Variants in SMAP1 observed in about 807,000 individuals in gnomAD.
The protein encoded by SMAP1 is stromal membrane-associated protein 1.
Under a neutral mutation model 58.5 loss-of-function variants are expected in SMAP1, and 24 were observed. The ratio of observed to expected loss-of-function variants is 0.41; its 90% CI spans 0.30 to 0.58. The LOEUF (loss-of-function observed/expected upper bound fraction) is 0.58. Among genes scored for constraint, SMAP1 ranks in the 20% least tolerant of loss-of-function variants. The probability of loss-of-function intolerance (pLI) is 0.29; values close to 1 mark genes in which losing one functional copy is unlikely to be tolerated. For synonymous variants in SMAP1, 216 were observed against 196.6 expected, an observed-to-expected ratio of 1.10 and a Z score of -0.82; for missense variants, 563 against 566.3, an observed-to-expected ratio of 0.99 and a Z score of 0.06.
chr6:70,697,523 G>T (rs1461015922), intron 1 of SMAP1, among the ~76,000 whole-genome samples: 1 of 152,068 alleles, frequency 6.6e-6, no homozygotes, highest in African/African-American at 2.4e-5. Flanking sequence ...GGCCAGGCTG[G>T]TCTTGAACTT....
chr6:70,857,781 G>A (rs1771494973), intron 9 of SMAP1, 141 bp from the exon 10 acceptor site: 1 of 814,630 alleles, frequency 1.2e-6, no homozygotes. Context: ...GTGTGGGTTG[G>A]TCTGAGTAGT....
At chr6:70,822,000 T>C (rs890374044) in intron 6 of SMAP1, among the ~76,000 whole-genome samples, 2 of 152,182 alleles carry the variant, frequency 1.3e-5, no homozygotes, top group African/African-American at 4.8e-5. Context: ...CCAATTACTT[T>C]ATGTGCAGAG....
intron 4 of SMAP1, among the ~76,000 whole-genome samples, chr6:70,778,032 A>G (rs1438168354): frequency 2.0e-5 from 3 of 152,130 alleles, no homozygotes; most frequent in Non-Finnish European, 4.4e-5. Flanking sequence ...GATTACAGGC[A>G]TGAGCCACCA....
intron 1 of SMAP1, among the ~76,000 whole-genome samples, chr6:70,710,362 G>C (rs935133980): frequency 2.6e-5 from 4 of 151,826 alleles, no homozygotes; most frequent in East Asian, 1.9e-4. Context: ...ATGGTGGCAT[G>C]CACCCGTAGT....
Position 70,860,423 on chromosome 6 carries a change from T to G in SMAP1, c.*89T>G. ...TCCCCTGTTTATTCATATGCATATT[T>G]TTTTTCTTTTTACCCATTTGTTCAT... On this transcript the variant is annotated 3_prime_UTR_variant, in exon 11 of 11. Transcript: ENST00000370455. 2 of 1,468,214 alleles carry G rather than the reference T, an allele frequency of 1.4e-6. No homozygotes were observed. Among genetic ancestry groups the G allele is most frequent in the Non-Finnish European group, 1.8e-6 (2 of 1,095,136 alleles). 90.9% of individuals were successfully genotyped at this position (1,468,214 alleles called of 1,614,324 possible).
At chr6:70,766,354 T>A (rs1357690025) in intron 3 of SMAP1, among the ~76,000 whole-genome samples, 1 of 152,220 alleles carries the variant, frequency 6.6e-6, no homozygotes, top group African/African-American at 2.4e-5. Flanking sequence ...TAGTTTACAT[T>A]CCCACCAACA....
At position 70,784,403 on chromosome 6, in the gene SMAP1, A is replaced by G. The variant is rs543635273; in HGVS notation, c.415-7286A>G. ...GAAGAAACTGCATCAACTAACAAGCAAAATAACCAGCTAACATCATAATGA... is the reference window on the plus strand; with the variant it reads ...GAAGAAACTGCATCAACTAACAAGCGAAATAACCAGCTAACATCATAATGA... On this transcript the variant is annotated intron_variant, in intron 4 of 10. Coordinates refer to ENST00000370455, the MANE Select transcript of SMAP1 (RefSeq NM_001044305.3). Among the ~76,000 whole-genome samples the G allele has an allele frequency of 1.1e-4, 16 of 152,344 alleles. No homozygotes were observed. The East Asian group carries it at 3.1e-3, about 29-fold the overall frequency.
rs1319767761 is a variant in SMAP1, at chr6:70,757,564, C to T, written c.338+2499C>T. Among the ~76,000 whole-genome samples the T allele has an allele frequency of 9.2e-5, 14 of 151,528 alleles. No homozygotes were observed. In the East Asian group the frequency reaches 2.5e-3, roughly 27 times the overall value. On this transcript the variant is annotated intron_variant, in intron 3 of 10. Transcript: ENST00000370455. ...AGCTTCTGCACAGCAAAAGAAACTA[C>T]CATCAGAGTGAACAGGCAACCTACA...
At chr6:70,690,904 T>G (rs1021815776) in intron 1 of SMAP1, among the ~76,000 whole-genome samples, 1 of 150,582 alleles carries the variant, frequency 6.6e-6, no homozygotes, top group Admixed American at 6.6e-5. Context: ...TCCGGAGGAG[T>G]TTGTATAGAA....
intron 3 of SMAP1, among the ~76,000 whole-genome samples, chr6:70,761,827 A>G (rs142117165): frequency 6.6e-6 from 1 of 152,252 alleles, no homozygotes; most frequent in African/African-American, 2.4e-5. Flanking sequence ...GCACCAAAGT[A>G]TATAAAAATA....
chr6:70,682,572 A>G (rs1001902161), intron 1 of SMAP1, among the ~76,000 whole-genome samples: 8 of 152,152 alleles, frequency 5.3e-5, no homozygotes, highest in Admixed American at 1.3e-4. Flanking sequence ...ACTGATTGGT[A>G]TGTTTTCTAA....
intron 7 of SMAP1, among the ~76,000 whole-genome samples, chr6:70,851,952 A>C (rs1771200841): frequency 6.6e-6 from 1 of 152,042 alleles, no homozygotes; most frequent in East Asian, 1.9e-4. Context: ...TGTTTTTTCT[A>C]TCTAGTTTTC....
intron 1 of SMAP1, among the ~76,000 whole-genome samples, chr6:70,714,558 C>T (rs1223013301): frequency 1.3e-5 from 2 of 151,984 alleles, no homozygotes; most frequent in Non-Finnish European, 2.9e-5. Flanking sequence ...AAGATAATTT[C>T]GTTAGAGTTG....
intron 6 of SMAP1, among the ~76,000 whole-genome samples, chr6:70,805,956 G>A (rs947360170): frequency 6.6e-6 from 1 of 152,194 alleles, no homozygotes; most frequent in Non-Finnish European, 1.5e-5. Context: ...TAGGCTACAC[G>A]GGGGTCAGGG....
At chr6:70,837,234 A>G (rs1770627038) in intron 7 of SMAP1, among the ~76,000 whole-genome samples, 1 of 152,232 alleles carries the variant, frequency 6.6e-6, no homozygotes, top group South Asian at 2.1e-4. Context: ...TTTCACTGAA[A>G]TACAAGTAAT....
rs754982942 is a variant in SMAP1, at chr6:70,798,701, G to A, written c.540G>A (p.Glu180=). The A allele has an allele frequency of 9.6e-6, 15 of 1,558,178 alleles. 1 individual carries two copies. The highest frequency in any genetic ancestry group is 1.4e-5 in the African/African-American group (1 of 72,206). The change falls in exon 6 of 11, where the codon GAG becomes GAA. Residue 180 remains glutamate (E), a synonymous_variant. Transcript: ENST00000370455. ...KKKEEKKREK[E]PEKPAKPLTA... ...AGGAAGAGAAAAAGAGAGAAAAGGA[G>A]CCAGAAAAGCCGGCAAAACCACTTA...
In SMAP1 at chr6:70,750,442, G is replaced by A. The variant is rs184206414; in HGVS notation, c.253-4538G>A. ...AAATTGACAGCCCCAATTCTCTTCA[G>A]TCTCTGTAAAATATAAATGACTTAA... is the stretch of plus-strand genomic sequence containing the variant. On this transcript the variant is annotated intron_variant, in intron 2 of 10. Transcript: ENST00000370455. 3.3e-3 allele frequency among the ~76,000 whole-genome samples: 498 copies of A among 152,220 alleles called. 1 individual carries two copies. The highest frequency in any genetic ancestry group is 0.01 in the African/African-American group (434 of 41,540).
chr6:70,691,771 G>T (rs1767179106), intron 1 of SMAP1, among the ~76,000 whole-genome samples: 1 of 152,158 alleles, frequency 6.6e-6, no homozygotes, highest in Non-Finnish European at 1.5e-5. Flanking sequence ...CATCCATGTT[G>T]TTGCAGATGA....
At chr6:70,776,184 T>C (rs1324102335) in intron 4 of SMAP1, among the ~76,000 whole-genome samples, 1 of 152,052 alleles carries the variant, frequency 6.6e-6, no homozygotes, top group Non-Finnish European at 1.5e-5. Context: ...ATTTCTTCTT[T>C]TTCTTTTCTT....
Sources: allele counts gnomAD v4.1 joint callset (sites outside exome capture counted in the v4.1 genomes callset), GRCh38; gene constraint gnomAD v4.1.1; transcripts MANE v1.5; gene names NCBI Gene and HGNC (gene_info 2026-07-23, HGNC 2026-07-21).